The following FANCM variants were observed in gnomAD, a reference collection of about 807,000 sequenced individuals.
FANCM encodes FA complementation group M, also known as Fanconi anemia group M protein.
In FANCM, 140 loss-of-function variants were observed where a neutral mutation model predicts 199.5. The observed-to-expected ratio is 0.70, with a 90% CI of 0.61 to 0.81. FANCM has a LOEUF of 0.81. Ranked by LOEUF, FANCM falls within the 30% of genes least tolerant of loss-of-function variation. The pLI, the probability that FANCM is intolerant of heterozygous loss-of-function variation, is 0.00. For synonymous variants in FANCM, 840 were observed against 836.8 expected (o/e 1.00, Z -0.07); for missense variants, 2,410 against 2,421.4 (o/e 1.00, Z 0.10).
chr14:45,177,059 T>A lies in FANCM; in HGVS notation c.4222+83T>A, dbSNP rs142114282. 1.4e-3 allele frequency: 1,167 copies of A among 853,100 alleles called. 13 individuals carry two copies. The African/African-American group carries it at 0.016, about 12-fold the overall frequency. 52.8% of individuals were successfully genotyped at this position (853,100 alleles called of 1,614,324 possible). On this transcript the variant is annotated intron_variant, in intron 14 of 22. Transcript: ENST00000267430. ...ACTTTGGTAATTTTTCCAAATGTAA[T>A]TTTTTAGTACATGGTACAATATAAA...
rs147489712 is a variant in FANCM at position 45,149,285 on chromosome 14, GCACACA to G, written c.918+309_918+314del. Among the ~76,000 whole-genome samples, 452 of 148,072 alleles carry G rather than the reference GCACACA, an allele frequency of 3.1e-3. 6 individuals are homozygous for G. The highest frequency in any genetic ancestry group is 0.021 in the Admixed American group (310 of 14,802). ...ACCTTATAACTGGAATATAGAACAT[GCACACA>G]CACACACACACACACACAAACAGCA... On this transcript the variant is annotated intron_variant, in intron 4 of 22. Transcript: ENST00000267430.
rs772889740 is a variant in FANCM at position 45,176,801 on chromosome 14, A to G, written c.4047A>G (p.Ser1349=). The G allele has an allele frequency of 1.4e-5, 22 of 1,606,804 alleles. No homozygotes were observed. The highest frequency in any genetic ancestry group is 1.8e-5 in the Non-Finnish European group (21 of 1,176,702). ...TCTCTAAATCAAACACATTGAACTCATTTTCTAAGATAAGAAAGGAAATAC... is the reference window on the plus strand; with the variant it reads ...TCTCTAAATCAAACACATTGAACTCGTTTTCTAAGATAAGAAAGGAAATAC... The part of the protein sequence containing the change: ...TPLSKSNTLN[S]FSKIRKEILK... Residue 1349 remains serine, a synonymous_variant, in exon 14 of 23, where the codon TCA becomes TCG. Coordinates refer to ENST00000267430, the MANE Select transcript of FANCM (RefSeq NM_020937.4).
At position 45,164,428 on chromosome 14, in the gene FANCM, G is replaced by C; in HGVS notation, c.1651G>C (p.Asp551His). 1 of 1,613,534 alleles carries C rather than the reference G, an allele frequency of 6.2e-7. No individual in the cohort carries two copies. The highest frequency in any genetic ancestry group is 1.1e-5 in the South Asian group (1 of 91,050). Residue 551 changes from aspartate (D) to histidine (H), a missense_variant, in exon 10 of 23, where the codon GAT (aspartate) becomes CAT (histidine). By Grantham distance (81) the Asp-to-His change is moderately conservative. Transcript: ENST00000267430. ...VSTCVGEEGLDIGEVDLIICF... is the reference protein window; with the variant it reads ...VSTCVGEEGLHIGEVDLIICF... ...TACCTGTGTGGGTGAAGAAGGTTTGGATATAGGAGAAGTTGATCTTATAAT... is the reference window on the plus strand; with the variant it reads ...TACCTGTGTGGGTGAAGAAGGTTTGCATATAGGAGAAGTTGATCTTATAAT...
intron 20 of FANCM, among the ~76,000 whole-genome samples, chr14:45,190,815 A>G (rs1346314489): frequency 6.6e-6 from 1 of 152,112 alleles, no homozygotes; most frequent in Non-Finnish European, 1.5e-5. Flanking sequence ...GGAGAACAAG[A>G]AAGTACTTCA....
rs139736490 is a variant in FANCM, at chr14:45,137,161, G to A, written c.601G>A (p.Gly201Arg). The change falls in exon 2 of 23, where the codon GGA becomes AGA. Residue 201 changes from glycine (G) to arginine (R), a missense_variant. Coordinates refer to ENST00000267430, the MANE Select transcript of FANCM (RefSeq NM_020937.4). ...PQVMVNDLSR[G>R]ACPAAEIKCL... ...GGTCATGGTAAATGACCTTTCTAGA[G>A]GAGCTTGTCCCGCTGCTGAAATAAA... The A allele has an allele frequency of 3.9e-5, 63 of 1,613,812 alleles. No homozygotes were observed. The South Asian group carries it at 6.1e-4, about 16-fold the overall frequency.
At chr14:45,150,461 A>G (rs1432039745) in intron 4 of FANCM, among the ~76,000 whole-genome samples, 1 of 152,224 alleles carries the variant, frequency 6.6e-6, no homozygotes, top group African/African-American at 2.4e-5. Context: ...ACTAGCCATA[A>G]TTTAGAAAAT....
intron 14 of FANCM, among the ~76,000 whole-genome samples, chr14:45,178,533 A>G (rs555208813): frequency 6.6e-6 from 1 of 152,290 alleles, no homozygotes; most frequent in East Asian, 1.9e-4. Context: ...CATTTTCTGT[A>G]TTATATATGA....
chr14:45,182,619 T>G (rs1889141166), intron 16 of FANCM, among the ~76,000 whole-genome samples: 1 of 152,182 alleles, frequency 6.6e-6, no homozygotes, highest in Non-Finnish European at 1.5e-5. Flanking sequence ...GTCTTAAGGT[T>G]AATGATACTC....
intron 11 of FANCM, chr14:45,167,560 A>G (rs1254207589): frequency 7.2e-5 from 13 of 180,506 alleles, no homozygotes; most frequent in Non-Finnish European, 1.3e-4. Context: ...AATCCTTTAC[A>G]TACATGTTGT....
In FANCM at chr14:45,169,512, C is replaced by A. The variant is rs567896627; in HGVS notation, c.2003-1077C>A. On this transcript the variant is annotated intron_variant, in intron 11 of 22. Transcript: ENST00000267430. ...CAACTCCTGGGCTTAAGAGATCCTC[C>A]TGTCAGCCTCCTGTGTGGCTAGGAC... 1.8e-4 allele frequency among the ~76,000 whole-genome samples: 27 copies of A among 152,144 alleles called. 1 individual carries two copies. Among genetic ancestry groups the A allele is most frequent in the African/African-American group, 6.3e-4 (26 of 41,540 alleles).
intron 11 of FANCM, among the ~76,000 whole-genome samples, chr14:45,169,396 C>A (rs1253472278): frequency 6.6e-5 from 9 of 136,624 alleles, no homozygotes; most frequent in East Asian, 4.2e-4. Flanking sequence ...TTTTTTTTTT[C>A]ATTTTTAATT....
rs1396861335 is a variant in FANCM, at chr14:45,183,795, G to A, written c.4408G>A (p.Glu1470Lys). ...INRSELSSSDESENFPKPCSQ... is the reference protein window; with the variant it reads ...INRSELSSSDKSENFPKPCSQ... ...ATAGTCAGAATTATCATCTAGTGAT[G>A]AGAGTGAGAATTTTCCCAAACCATG... Residue 1470 changes from glutamate to lysine, a missense_variant, in exon 17 of 23, where the codon GAG (glutamate) becomes AAG (lysine). By Grantham distance (56) the Glu-to-Lys change is moderately conservative (BLOSUM62 1). Coordinates refer to ENST00000267430, the MANE Select transcript of FANCM (RefSeq NM_020937.4). 6.2e-7 allele frequency: 1 copy of A among 1,608,242 alleles called. No homozygotes were observed. The highest frequency in any genetic ancestry group is 1.3e-5 in the African/African-American group (1 of 74,926).
At chr14:45,199,680 C>G (rs1890255426) in intron 22 of FANCM, among the ~76,000 whole-genome samples, 190 bp from the exon 23 acceptor site, 1 of 152,114 alleles carries the variant, frequency 6.6e-6, no homozygotes, top group Non-Finnish European at 1.5e-5. Flanking sequence ...AATTGTTATT[C>G]TAGATAATTT....
chr14:45,166,815 C>A, intron 10 of FANCM, 135 bp from the exon 11 acceptor site: 1 of 633,142 alleles, frequency 1.6e-6, no homozygotes, highest in Non-Finnish European at 2.8e-6. Flanking sequence ...AACAGAAGCT[C>A]CATTTTCTAA....
chr14:45,173,329 G>T, intron 13 of FANCM, 119 bp downstream of exon 13: 1 of 883,364 alleles, frequency 1.1e-6, no homozygotes. Flanking sequence ...AGTTCCTTGT[G>T]ATCTCAGTAA....
chr14:45,145,484 G>C (rs1024393012), intron 3 of FANCM, among the ~76,000 whole-genome samples: 2 of 152,142 alleles, frequency 1.3e-5, no homozygotes, highest in Non-Finnish European at 2.9e-5. Flanking sequence ...GTTCCACCTG[G>C]TTTTGCTTTT....
In FANCM at chr14:45,173,014, A is replaced by G. The variant is rs201967528; in HGVS notation, c.2161-41A>G. 4.9e-6 allele frequency: 7 copies of G among 1,438,650 alleles called. No individual in the cohort carries two copies. In the Admixed American group the frequency reaches 1.0e-4, roughly 21 times the overall value. 89.1% of individuals were successfully genotyped at this position (1,438,650 alleles called of 1,614,324 possible). A position where few individuals can be genotyped will look rare whatever the true frequency, so the allele number is the denominator to read the frequency against. ...TTTTAAAATTAGTTTGTGAAATCTCAGTATGTTTTCATCATTTTTATTACT... is the reference window on the plus strand; with the variant it reads ...TTTTAAAATTAGTTTGTGAAATCTCGGTATGTTTTCATCATTTTTATTACT... On this transcript the variant is annotated intron_variant, in intron 12 of 22. Transcript: ENST00000267430.
At chr14:45,143,074 G>T (rs1294198517) in intron 3 of FANCM, among the ~76,000 whole-genome samples, 1 of 151,576 alleles carries the variant, frequency 6.6e-6, no homozygotes, top group East Asian at 1.9e-4. Context: ...TTCCTTCTGT[G>T]GGCCACAGTC....
At chr14:45,179,104 C>G (rs1275961356) in intron 14 of FANCM, among the ~76,000 whole-genome samples, 1 of 152,106 alleles carries the variant, frequency 6.6e-6, no homozygotes, top group Non-Finnish European at 1.5e-5. Context: ...GAGGCTGAGG[C>G]AGGAGGATCA....
Sources: gnomAD v4.1 joint callset for allele counts (sites outside exome capture counted in the v4.1 genomes callset) on GRCh38, gnomAD v4.1.1 for gene constraint, MANE v1.5 for transcripts, NCBI Gene and HGNC (gene_info 2026-07-23, HGNC 2026-07-21) for gene names.